Variants in IQCJ observed in about 807,000 individuals in gnomAD.
The protein encoded by IQCJ is IQ domain-containing protein J.
Under a neutral mutation model 11.0 loss-of-function variants are expected in IQCJ, and 9 were observed. The ratio of observed to expected loss-of-function variants is 0.82; its 90% CI spans 0.49 to 1.43. The LOEUF is 1.43. IQCJ is among the 40% of genes most tolerant of loss of function. The pLI is 0.00. For synonymous variants in IQCJ, 55 were observed against 51.3 expected, an observed-to-expected ratio of 1.07 and a Z score of -0.31; for missense variants, 146 against 133.2, an observed-to-expected ratio of 1.10 and a Z score of -0.47.
chr3:159,228,653 T>C (rs1299299102), intron 1 of IQCJ, among the ~76,000 whole-genome samples: 1 of 151,718 alleles, frequency 6.6e-6, no homozygotes, highest in Non-Finnish European at 1.5e-5. Context: ...TAGCCGGGCG[T>C]AGTGGCGGGC....
intron 2 of IQCJ, 126 bp downstream of exon 2, chr3:159,246,033 C>T: frequency 1.4e-6 from 1 of 692,040 alleles, no homozygotes; most frequent in South Asian, 1.9e-5. Context: ...GGTCAGAGCC[C>T]AGAAATGTGG....
chr3:159,158,701 C>A (rs1413693850), intron 1 of IQCJ, among the ~76,000 whole-genome samples: 1 of 152,074 alleles, frequency 6.6e-6, no homozygotes, highest in Non-Finnish European at 1.5e-5. Flanking sequence ...TAAGTAAAAC[C>A]AGAGTAGAAT....
At chr3:159,084,143 T>G (rs534744216) in intron 1 of IQCJ, among the ~76,000 whole-genome samples, 12 of 152,166 alleles carry the variant, frequency 7.9e-5, no homozygotes, top group African/African-American at 2.9e-4. Context: ...ACTATATTTA[T>G]GTAAGATGTC....
At chr3:159,185,847 A>C (rs567365054) in intron 1 of IQCJ, among the ~76,000 whole-genome samples, 2 of 152,356 alleles carry the variant, frequency 1.3e-5, no homozygotes, top group Admixed American at 1.3e-4. Flanking sequence ...AGAGAGAACC[A>C]GGAGGAGGCC....
intron 3 of IQCJ, among the ~76,000 whole-genome samples, chr3:159,258,383 C>T (rs1728017391): frequency 6.6e-6 from 1 of 152,200 alleles, no homozygotes; most frequent in African/African-American, 2.4e-5. Flanking sequence ...ATGGACCACC[C>T]TCTACAGTGA....
At chr3:159,218,341 TTGTGTGTGTGTGTG>T (rs34078356) in intron 1 of IQCJ, among the ~76,000 whole-genome samples, 20 of 145,914 alleles carry the variant, frequency 1.4e-4, no homozygotes, top group African/African-American at 4.8e-4. Flanking sequence ...GAGTCCCTCT[TTGTGTGTGTGTGTG>T]TGTGTGTGTG....
chr3:159,163,064 C>T (rs945011549), intron 1 of IQCJ, among the ~76,000 whole-genome samples: 9 of 152,250 alleles, frequency 5.9e-5, no homozygotes, highest in Admixed American at 5.9e-4. Context: ...TCCTCCCTAA[C>T]TCATTTTATG....
chr3:159,085,104 T>C (rs1481723529), intron 1 of IQCJ, among the ~76,000 whole-genome samples: 1 of 151,830 alleles, frequency 6.6e-6, no homozygotes, highest in Non-Finnish European at 1.5e-5. Context: ...AGTGTGATGT[T>C]CCCCTTCCTG....
At chr3:159,233,807 C>G (rs1726413369) in intron 1 of IQCJ, among the ~76,000 whole-genome samples, 1 of 152,098 alleles carries the variant, frequency 6.6e-6, no homozygotes, top group Non-Finnish European at 1.5e-5. Flanking sequence ...TTAGAGTACA[C>G]AAAACACCTT....
chr3:159,212,660 C>A (rs1361102340), intron 1 of IQCJ, among the ~76,000 whole-genome samples: 2 of 152,198 alleles, frequency 1.3e-5, no homozygotes, highest in Non-Finnish European at 1.5e-5. Context: ...CAGATTTCTA[C>A]AGCCCACTGT....
chr3:159,189,382 C>A (rs1038687317), intron 1 of IQCJ, among the ~76,000 whole-genome samples: 4 of 152,158 alleles, frequency 2.6e-5, no homozygotes, highest in African/African-American at 4.8e-5. Flanking sequence ...ATTAACAAAT[C>A]AACGTTTAGT....
chr3:159,256,764 T>A (rs1436644613), intron 3 of IQCJ, among the ~76,000 whole-genome samples: 1 of 152,244 alleles, frequency 6.6e-6, no homozygotes, highest in Non-Finnish European at 1.5e-5. Flanking sequence ...CTTGGGCTAA[T>A]AAAATATTGC....
At chr3:159,160,194 A>G (rs771098691) in intron 1 of IQCJ, among the ~76,000 whole-genome samples, 2 of 152,184 alleles carry the variant, frequency 1.3e-5, no homozygotes, top group Non-Finnish European at 2.9e-5. Context: ...ATTGGGAGAG[A>G]TGCTGCCCTG....
intron 1 of IQCJ, among the ~76,000 whole-genome samples, chr3:159,079,874 A>T (rs1312585766): frequency 1.3e-5 from 2 of 152,234 alleles, no homozygotes; most frequent in Middle Eastern, 3.4e-3. Context: ...TTTATAAAAA[A>T]TAAATTCCTA....
intron 1 of IQCJ, among the ~76,000 whole-genome samples, chr3:159,071,042 A>G (rs1715530319): frequency 6.6e-6 from 1 of 152,038 alleles, no homozygotes; most frequent in Non-Finnish European, 1.5e-5. Flanking sequence ...AAAAATGAAT[A>G]TTATTAAGGT....
intron 1 of IQCJ, among the ~76,000 whole-genome samples, chr3:159,118,142 A>G (rs151006457): frequency 1.3e-5 from 2 of 152,370 alleles, no homozygotes; most frequent in East Asian, 3.9e-4. Context: ...AACATCAGCA[A>G]TTATAAAATG....
At chr3:159,133,513 C>T (rs1720114243) in intron 1 of IQCJ, among the ~76,000 whole-genome samples, 1 of 152,108 alleles carries the variant, frequency 6.6e-6, no homozygotes, top group Non-Finnish European at 1.5e-5. Context: ...TTTAATTTCC[C>T]TGCAGAGAAA....
chr3:159,217,200 AG>A lies in IQCJ; in HGVS notation c.10-28641del, dbSNP rs200692136. 9.4e-3 allele frequency among the ~76,000 whole-genome samples: 1,434 copies of A among 152,210 alleles called. 14 individuals are homozygous for A. Among genetic ancestry groups the A allele is most frequent in the Middle Eastern group, 0.051 (15 of 294 alleles). On this transcript the variant is annotated intron_variant, in intron 1 of 3. Transcript: ENST00000397832. ...TTGGTTTGGGATGAGGCCTGAGAAC[AG>A]GTAATTTTCTCCCTAGGTAATTCTA...
chr3:159,095,532 A>G (rs2108092315), intron 1 of IQCJ, among the ~76,000 whole-genome samples: 1 of 110,020 alleles, frequency 9.1e-6, no homozygotes, highest in Admixed American at 9.9e-5. Flanking sequence ...ACCCCACCAC[A>G]GTCCCCAGAG....
Sources: allele counts gnomAD v4.1 joint callset (sites outside exome capture counted in the v4.1 genomes callset), GRCh38; gene constraint gnomAD v4.1.1; transcripts MANE v1.5; gene names NCBI Gene and HGNC (gene_info 2026-07-23, HGNC 2026-07-21).